PREX1: variants seen among roughly 807,000 people sequenced by gnomAD.
PREX1 encodes the protein phosphatidylinositol 3,4,5-trisphosphate-dependent Rac exchanger 1 protein.
A neutral mutation model predicts 198.3 loss-of-function variants in PREX1; 41 were observed. The observed-to-expected ratio is 0.21, with a 90% confidence interval of 0.16 to 0.27. PREX1 has a LOEUF of 0.27. PREX1 is among the 10% of genes least tolerant of loss of function. PREX1 has a pLI of 1.00. For missense variants in PREX1, 1,620 were observed against 2,200.7 expected, an observed-to-expected ratio of 0.74 and a Z score of 5.28; for synonymous variants, 843 against 887.2, an observed-to-expected ratio of 0.95 and a Z score of 0.89.
At chr20:48,876,177 C>T in the PREX1 span, among the ~76,000 whole-genome samples, 1,703 of 152,246 alleles carry the variant, frequency 0.011, 16 homozygotes, top group Non-Finnish European at 0.016. Flanking sequence ...ATCCTGTAAT[C>T]CTATCCCCAG....
At chr20:48,705,762 G>A (rs898074680) in intron 6 of PREX1, among the ~76,000 whole-genome samples, 9 of 152,174 alleles carry the variant, frequency 5.9e-5, no homozygotes, top group African/African-American at 1.7e-4. Flanking sequence ...ACAATTTCAC[G>A]TTTTTCAAAG....
chr20:48,882,845 C>G, the PREX1 span, among the ~76,000 whole-genome samples: 1 of 150,760 alleles, frequency 6.6e-6, no homozygotes, highest in Admixed American at 6.6e-5. Flanking sequence ...ATTTAATCAT[C>G]TTTTCATAAG....
chr20:48,741,912 C>A (rs2090083978), intron 3 of PREX1, among the ~76,000 whole-genome samples: 1 of 152,148 alleles, frequency 6.6e-6, no homozygotes, highest in African/African-American at 2.4e-5. Context: ...GCCAGGGGAG[C>A]AAGTTCCGAG....
intron 1 of PREX1, among the ~76,000 whole-genome samples, chr20:48,795,800 A>G (rs1282827057): frequency 6.6e-6 from 1 of 152,190 alleles, no homozygotes; most frequent in Non-Finnish European, 1.5e-5. Flanking sequence ...AGGTGATCCT[A>G]CGTTTACCCT....
At chr20:48,746,396 G>A (rs543559559) in intron 2 of PREX1, among the ~76,000 whole-genome samples, 2 of 152,330 alleles carry the variant, frequency 1.3e-5, no homozygotes, top group South Asian at 2.1e-4. Flanking sequence ...TCCATCCACA[G>A]GAGAATGGGT....
intron 1 of PREX1, among the ~76,000 whole-genome samples, chr20:48,797,194 T>C (rs2090366738): frequency 6.6e-6 from 1 of 152,140 alleles, no homozygotes; most frequent in South Asian, 2.1e-4. Context: ...GGGAGCTCTT[T>C]GCTTGGGTCC....
chr20:48,839,642 G>A, the PREX1 span, among the ~76,000 whole-genome samples: 2 of 152,142 alleles, frequency 1.3e-5, no homozygotes, highest in African/African-American at 2.4e-5. Context: ...CTACCTGGTC[G>A]AGGCTGCGGA....
At chr20:48,784,669 C>T (rs964260023) in intron 1 of PREX1, among the ~76,000 whole-genome samples, 1 of 152,170 alleles carries the variant, frequency 6.6e-6, no homozygotes, top group African/African-American at 2.4e-5. Flanking sequence ...CCGACCTGCC[C>T]ACAGGAACTG....
At chr20:48,780,782 G>T (rs369085721) in intron 1 of PREX1, among the ~76,000 whole-genome samples, 1 of 152,108 alleles carries the variant, frequency 6.6e-6, no homozygotes, top group Admixed American at 6.5e-5. Context: ...GTGGGCAAAG[G>T]TTCAAACAAA....
At chr20:48,810,558 G>C (rs1236045054) in intron 1 of PREX1, among the ~76,000 whole-genome samples, 3 of 148,872 alleles carry the variant, frequency 2.0e-5, no homozygotes, top group African/African-American at 5.0e-5. Flanking sequence ...CTCCAGCCTG[G>C]GCAGCAAGGC....
chr20:48,778,197 G>C (rs1355535366), intron 1 of PREX1, among the ~76,000 whole-genome samples: 1 of 152,136 alleles, frequency 6.6e-6, no homozygotes, highest in Non-Finnish European at 1.5e-5. Flanking sequence ...ATTCTAATAT[G>C]TTCATGGTAA....
At chr20:48,747,680 G>T in intron 2 of PREX1, 129 bp downstream of exon 2, 1 of 1,042,790 alleles carries the variant, frequency 9.6e-7, no homozygotes, top group Non-Finnish European at 1.4e-6. Flanking sequence ...GCAGGGCAAA[G>T]CTGGCGGCCA....
intron 1 of PREX1, among the ~76,000 whole-genome samples, chr20:48,765,238 C>T (rs547116845): frequency 6.6e-6 from 1 of 152,292 alleles, no homozygotes; most frequent in South Asian, 2.1e-4. Context: ...CATTGTTTGG[C>T]ATATGTTTAG....
chr20:48,653,280 C>G, intron 20 of PREX1, 81 bp downstream of exon 20: 1 of 1,555,598 alleles, frequency 6.4e-7, no homozygotes, highest in Non-Finnish European at 8.7e-7. Flanking sequence ...GCAGGCTTTT[C>G]TCTAAAGAGA....
chr20:48,677,158 G>A (rs1320748891), intron 13 of PREX1, among the ~76,000 whole-genome samples: 1 of 152,216 alleles, frequency 6.6e-6, no homozygotes. Context: ...GTTGGTGGGG[G>A]TCTGCTACCT....
At chr20:48,651,699 C>A in intron 21 of PREX1, 116 bp from the exon 22 acceptor site, 1 of 981,084 alleles carries the variant, frequency 1.0e-6, no homozygotes. Context: ...GCAAAGGCCC[C>A]AGGGCAGGAG....
At position 48,642,508 on chromosome 20, in the gene PREX1, A is replaced by T. The variant is rs2122866053; in HGVS notation, c.3602-19T>A. On this transcript the variant is annotated intron_variant, in intron 27 of 39. Transcript: ENST00000371941. The stretch of plus-strand genomic sequence containing the variant: ...TCATCTCCTGGCAGGAGGTAGAAGC[A>T]GCAGCCATCAGTCATTCCTGCCCCA... 1.3e-6 allele frequency: 2 copies of T among 1,596,168 alleles called. No individual in the cohort carries two copies. Among genetic ancestry groups the T allele is most frequent in the Non-Finnish European group, 1.7e-6 (2 of 1,166,982 alleles).
intron 8 of PREX1, 105 bp downstream of exon 8, chr20:48,692,567 A>T: frequency 1.1e-6 from 1 of 909,642 alleles, no homozygotes; most frequent in Non-Finnish European, 1.7e-6. Context: ...TAGGTAGATT[A>T]CATCTCATGA....
chr20:48,861,934 G>C, the PREX1 span, among the ~76,000 whole-genome samples: 1 of 152,148 alleles, frequency 6.6e-6, no homozygotes, highest in African/African-American at 2.4e-5. Flanking sequence ...AGCAGGCCAG[G>C]CGCGGTGGCT....
Sources: allele counts gnomAD v4.1 joint callset (sites outside exome capture counted in the v4.1 genomes callset), GRCh38; gene constraint gnomAD v4.1.1; transcripts MANE v1.5; gene names NCBI Gene and HGNC (gene_info 2026-07-23, HGNC 2026-07-21).